The following PTPRG variants were observed in gnomAD, a reference collection of about 807,000 sequenced individuals.
The protein encoded by PTPRG is receptor-type tyrosine-protein phosphatase gamma.
In PTPRG, 102 loss-of-function variants were observed where a neutral mutation model predicts 165.3. That is an observed-to-expected ratio of 0.62 (90% CI 0.53 to 0.73). PTPRG has a LOEUF of 0.73. Ranked by LOEUF, PTPRG falls within the 30% of genes least tolerant of loss-of-function variation. PTPRG has a pLI of 0.00. For synonymous variants in PTPRG, 675 were observed against 669.5 expected (o/e 1.01, Z -0.13); for missense variants, 1,866 against 1,861.4 (o/e 1.00, Z -0.05).
intron 4 of PTPRG, among the ~76,000 whole-genome samples, chr3:62,077,019 G>T (rs940805937): frequency 6.6e-6 from 1 of 152,164 alleles, no homozygotes. Context: ...TAATCCCAGT[G>T]TTTTGGGAGG....
intron 2 of PTPRG, among the ~76,000 whole-genome samples, chr3:61,948,114 C>G (rs865959745): frequency 6.6e-6 from 1 of 152,048 alleles, no homozygotes; most frequent in Non-Finnish European, 1.5e-5. Context: ...CACCTGAGGT[C>G]GGGAGTTCAA....
intron 8 of PTPRG, among the ~76,000 whole-genome samples, chr3:62,184,836 C>G (rs1404753726): frequency 6.6e-6 from 1 of 152,204 alleles, no homozygotes; most frequent in Non-Finnish European, 1.5e-5. Flanking sequence ...GTAGTACTGT[C>G]TCTTTGACTC....
chr3:61,716,200 C>G (rs2031799714), intron 1 of PTPRG, among the ~76,000 whole-genome samples: 2 of 152,152 alleles, frequency 1.3e-5, no homozygotes, highest in Non-Finnish European at 1.5e-5. Flanking sequence ...TCTGAGGTTC[C>G]TCTAACGTCA....
chr3:61,659,223 G>A (rs1433026635), intron 1 of PTPRG: 5 of 784,052 alleles, frequency 6.4e-6, no homozygotes, highest in East Asian at 1.3e-4. Flanking sequence ...CTCCATAGCC[G>A]TCAGCCTGAA....
At chr3:62,248,570 AAAAAC>A (rs1359297278) in intron 15 of PTPRG, among the ~76,000 whole-genome samples, 16 of 152,298 alleles carry the variant, frequency 1.1e-4, no homozygotes, top group African/African-American at 3.8e-4. Flanking sequence ...ATTCTTTTGA[AAAAAC>A]AAACTTGAAT....
intron 1 of PTPRG, among the ~76,000 whole-genome samples, chr3:61,692,508 CT>C (rs1559559600): frequency 3.9e-5 from 6 of 152,096 alleles, no homozygotes; most frequent in Non-Finnish European, 7.3e-5. Flanking sequence ...ACCAAACAGG[CT>C]TTGTGTGAGC....
At chr3:62,284,423 T>C (rs1217822913) in intron 28 of PTPRG, among the ~76,000 whole-genome samples, 1 of 152,100 alleles carries the variant, frequency 6.6e-6, no homozygotes, top group East Asian at 1.9e-4. Flanking sequence ...AAATTAATCC[T>C]AAACCAGTAG....
intron 2 of PTPRG, among the ~76,000 whole-genome samples, chr3:61,825,401 C>G (rs1402336131): frequency 6.6e-6 from 1 of 152,060 alleles, no homozygotes; most frequent in African/African-American, 2.4e-5. Context: ...GGTTATGATC[C>G]ATAGAAATTG....
chr3:62,242,472 C>G (rs1184260451), intron 14 of PTPRG, among the ~76,000 whole-genome samples: 2 of 152,198 alleles, frequency 1.3e-5, no homozygotes, highest in Non-Finnish European at 2.9e-5. Context: ...CAAATGGAAA[C>G]TGCTTAGAGC....
intron 2 of PTPRG, among the ~76,000 whole-genome samples, chr3:61,772,817 G>C (rs1037666583): frequency 6.6e-6 from 1 of 152,148 alleles, no homozygotes; most frequent in African/African-American, 2.4e-5. Context: ...GTTTATTTTT[G>C]TAGGAGAGAT....
chr3:62,026,663 G>C (rs903877105), intron 4 of PTPRG, among the ~76,000 whole-genome samples: 1 of 152,038 alleles, frequency 6.6e-6, no homozygotes, highest in Non-Finnish European at 1.5e-5. Context: ...AAGGTCGGTG[G>C]ATCATAAGAT....
At chr3:62,007,018 G>A (rs777300492) in intron 4 of PTPRG, among the ~76,000 whole-genome samples, 1 of 152,184 alleles carries the variant, frequency 6.6e-6, no homozygotes, top group African/African-American at 2.4e-5. Flanking sequence ...GAGAGTAAAT[G>A]TACCTTGCCT....
intron 2 of PTPRG, among the ~76,000 whole-genome samples, chr3:61,901,940 A>G (rs1449952214): frequency 6.6e-6 from 1 of 152,210 alleles, no homozygotes; most frequent in Non-Finnish European, 1.5e-5. Context: ...ATGCTTGCCT[A>G]TTTTTATACC....
At chr3:62,017,447 GCTCTTT>G (rs2041572421) in intron 4 of PTPRG, among the ~76,000 whole-genome samples, 1 of 149,562 alleles carries the variant, frequency 6.7e-6, no homozygotes, top group Non-Finnish European at 1.5e-5. Context: ...GCGGAGTCTC[GCTCTTT>G]CGCCCAGGCT....
chr3:62,109,366 G>A (rs941909252), intron 5 of PTPRG, among the ~76,000 whole-genome samples: 2 of 152,122 alleles, frequency 1.3e-5, no homozygotes, highest in African/African-American at 2.4e-5. Flanking sequence ...GCTGTGTGGT[G>A]TTATTTCTGA....
At chr3:61,900,300 C>G (rs1277175027) in intron 2 of PTPRG, among the ~76,000 whole-genome samples, 1 of 152,168 alleles carries the variant, frequency 6.6e-6, no homozygotes, top group Non-Finnish European at 1.5e-5. Context: ...TAATAGGCTA[C>G]TCCCATGAAT....
At chr3:61,694,086 T>G (rs937681228) in intron 1 of PTPRG, among the ~76,000 whole-genome samples, 6 of 147,364 alleles carry the variant, frequency 4.1e-5, no homozygotes, top group African/African-American at 1.5e-4. Flanking sequence ...ATGAGTTGAG[T>G]AGGGGATGAA....
At chr3:61,666,287 T>TA (rs1702812399) in intron 1 of PTPRG, among the ~76,000 whole-genome samples, 3 of 152,260 alleles carry the variant, frequency 2.0e-5, no homozygotes, top group African/African-American at 7.2e-5. Flanking sequence ...CTGTCTGAAT[T>TA]ACTTCTGGGC....
chr3:61,666,615 C>T (rs561492465), intron 1 of PTPRG, among the ~76,000 whole-genome samples: 1 of 152,156 alleles, frequency 6.6e-6, no homozygotes, highest in Non-Finnish European at 1.5e-5. Flanking sequence ...GTTTTACTGT[C>T]GCTGGTTTTC....
Sources: allele counts gnomAD v4.1 joint callset (sites outside exome capture counted in the v4.1 genomes callset), GRCh38; gene constraint gnomAD v4.1.1; transcripts MANE v1.5; gene names NCBI Gene and HGNC (gene_info 2026-07-23, HGNC 2026-07-21).